CNTNAP2: variants seen among roughly 807,000 people sequenced by gnomAD.
The protein encoded by CNTNAP2 is contactin associated protein 2.
Under a neutral mutation model 155.2 loss-of-function variants are expected in CNTNAP2, and 98 were observed. The observed-to-expected ratio is 0.63, with a 90% CI of 0.54 to 0.75. The LOEUF (loss-of-function observed/expected upper bound fraction) is 0.75, where lower values mean the gene tolerates loss of function less well. Among genes scored for constraint, CNTNAP2 ranks in the 30% least tolerant of loss-of-function variants. CNTNAP2 has a pLI of 0.00. For synonymous variants in CNTNAP2, 651 were observed against 631.2 expected (o/e 1.03, Z -0.47); for missense variants, 1,727 against 1,688.1 (o/e 1.02, Z -0.40).
intron 12 of CNTNAP2, among the ~76,000 whole-genome samples, chr7:147,607,616 AC>A (rs1397151521): frequency 1.3e-5 from 2 of 152,142 alleles, no homozygotes; most frequent in Non-Finnish European, 2.9e-5. Context: ...GTTTGAAGAC[AC>A]AGACTGTGAT....
At chr7:146,119,277 A>G (rs943982298) in intron 1 of CNTNAP2, among the ~76,000 whole-genome samples, 7 of 152,044 alleles carry the variant, frequency 4.6e-5, no homozygotes, top group Non-Finnish European at 1.0e-4. Context: ...TCTGTTCCTA[A>G]ATACCTTTTT....
chr7:147,369,721 T>A (rs1356902892), intron 9 of CNTNAP2, among the ~76,000 whole-genome samples: 1 of 152,232 alleles, frequency 6.6e-6, no homozygotes, highest in Admixed American at 6.5e-5. Flanking sequence ...CAGATTGCAC[T>A]TGGCTTAAGG....
chr7:146,820,898 G>A (rs969325368), intron 2 of CNTNAP2, among the ~76,000 whole-genome samples: 13 of 152,136 alleles, frequency 8.5e-5, no homozygotes, highest in Non-Finnish European at 1.3e-4. Context: ...TTGTTGAATT[G>A]ATCCCTTTAC....
At chr7:147,118,927 TG>T (rs1345489463) in intron 5 of CNTNAP2, among the ~76,000 whole-genome samples, 1 of 152,206 alleles carries the variant, frequency 6.6e-6, no homozygotes, top group African/African-American at 2.4e-5. Context: ...ACATTTCACT[TG>T]TTTCTTCATA....
intron 1 of CNTNAP2, among the ~76,000 whole-genome samples, chr7:146,684,092 G>T (rs908005642): frequency 1.3e-5 from 2 of 152,162 alleles, no homozygotes; most frequent in African/African-American, 2.4e-5. Context: ...AGGAGAGTCT[G>T]TGCACTGACT....
At chr7:147,122,917 T>A (rs1319463288) in intron 6 of CNTNAP2, 1 of 152,160 alleles carries the variant, frequency 6.6e-6, no homozygotes, top group East Asian at 1.9e-4. Context: ...ATGCTCATCA[T>A]AAAATAAATG....
At chr7:146,860,387 G>A (rs976751808) in intron 3 of CNTNAP2, among the ~76,000 whole-genome samples, 2 of 152,140 alleles carry the variant, frequency 1.3e-5, no homozygotes, top group African/African-American at 4.8e-5. Flanking sequence ...AACAGTGAAT[G>A]CAAAGTCTCT....
chr7:148,090,508 T>A (rs1223287721), intron 15 of CNTNAP2, among the ~76,000 whole-genome samples: 2 of 152,010 alleles, frequency 1.3e-5, no homozygotes, highest in Non-Finnish European at 2.9e-5. Flanking sequence ...TTTAAAAGGT[T>A]TAATATCACT....
intron 14 of CNTNAP2, among the ~76,000 whole-genome samples, chr7:147,921,037 C>T (rs1052659771): frequency 8.6e-5 from 13 of 152,020 alleles, no homozygotes; most frequent in African/African-American, 2.9e-4. Flanking sequence ...TCTCCATCTC[C>T]TGACCTTGTG....
chr7:147,318,867 CAGG>C lies in CNTNAP2; in HGVS notation c.1498+18580_1498+18582del, dbSNP rs533228146. Among the ~76,000 whole-genome samples the C allele has an allele frequency of 1.3e-4, 20 of 151,972 alleles. No individual in the cohort carries two copies. In the South Asian group the frequency reaches 4.0e-3, roughly 30 times the overall value. ...TACGTATATATTTAAATTTTCAAAA[CAGG>C]AGAAAAATGTTTACTTTAGAAAAGC... On this transcript the variant is annotated intron_variant, in intron 9 of 23. Transcript: ENST00000361727.
chr7:146,894,281 T>A (rs981321809), intron 3 of CNTNAP2, among the ~76,000 whole-genome samples: 4 of 152,216 alleles, frequency 2.6e-5, no homozygotes, highest in African/African-American at 4.8e-5. Flanking sequence ...AAATTGTTTC[T>A]TAACCCAGGT....
intron 13 of CNTNAP2, among the ~76,000 whole-genome samples, chr7:147,710,585 A>T (rs1002440962): frequency 1.3e-5 from 2 of 151,894 alleles, no homozygotes; most frequent in Non-Finnish European, 2.9e-5. Context: ...TTTCCATTGG[A>T]TCTCTTTTAT....
intron 12 of CNTNAP2, among the ~76,000 whole-genome samples, chr7:147,614,220 T>G (rs1801241618): frequency 6.6e-6 from 1 of 152,186 alleles, no homozygotes; most frequent in South Asian, 2.1e-4. Context: ...AATACAAATT[T>G]TTTCCACCAG....
chr7:146,881,611 GA>G, intron 3 of CNTNAP2, among the ~76,000 whole-genome samples: 1 of 151,872 alleles, frequency 6.6e-6, no homozygotes, highest in South Asian at 2.1e-4. Context: ...CTGAAAACAT[GA>G]AAAATTTATG....
At chr7:146,429,713 T>G (rs766129386) in intron 1 of CNTNAP2, among the ~76,000 whole-genome samples, 1 of 152,176 alleles carries the variant, frequency 6.6e-6, no homozygotes, top group African/African-American at 2.4e-5. Context: ...GTGAATATGC[T>G]TTATTTCTTT....
intron 2 of CNTNAP2, among the ~76,000 whole-genome samples, chr7:146,821,764 A>G (rs1032749014): frequency 1.8e-4 from 28 of 152,034 alleles, no homozygotes; most frequent in Admixed American, 1.4e-3. Flanking sequence ...AATCAAAACC[A>G]CAATGAGATA....
intron 1 of CNTNAP2, among the ~76,000 whole-genome samples, chr7:146,127,300 G>T (rs908606731): frequency 6.6e-6 from 1 of 152,092 alleles, no homozygotes; most frequent in Admixed American, 6.6e-5. Context: ...CCTCCCTGTG[G>T]CAATTTGCTC....
intron 3 of CNTNAP2, among the ~76,000 whole-genome samples, chr7:147,024,988 A>C (rs1798876382): frequency 6.6e-6 from 1 of 151,806 alleles, no homozygotes; most frequent in Admixed American, 6.6e-5. Flanking sequence ...AACCATTAGA[A>C]AGCACCCATA....
intron 21 of CNTNAP2, among the ~76,000 whole-genome samples, chr7:148,383,155 G>C (rs1047026353): frequency 6.6e-6 from 1 of 150,588 alleles, no homozygotes; most frequent in African/African-American, 2.4e-5. Context: ...GAAGAAAGGA[G>C]ATGTTCACGT....
Sources: gnomAD v4.1 joint callset for allele counts (sites outside exome capture counted in the v4.1 genomes callset) on GRCh38, gnomAD v4.1.1 for gene constraint, MANE v1.5 for transcripts, NCBI Gene and HGNC (gene_info 2026-07-23, HGNC 2026-07-21) for gene names.